Variants in MAPK10 observed in about 807,000 individuals in gnomAD.
MAPK10 encodes JNK3 alpha protein kinase.
Under a neutral mutation model 59.3 loss-of-function variants are expected in MAPK10, and 25 were observed. The observed-to-expected ratio is 0.42, with a 90% confidence interval of 0.31 to 0.59. The LOEUF (loss-of-function observed/expected upper bound fraction) is 0.59, where lower values mean the gene tolerates loss of function less well. Among genes scored for constraint, MAPK10 ranks in the 20% least tolerant of loss-of-function variants. The pLI, the probability that MAPK10 is intolerant of heterozygous loss-of-function variation, is 0.15. For missense variants in MAPK10, 351 were observed against 568.9 expected (o/e 0.62, Z 3.90); for synonymous variants, 190 against 200.5 (o/e 0.95, Z 0.44).
At chr4:86,228,733 A>G (rs2091071849) in intron 2 of MAPK10, among the ~76,000 whole-genome samples, 2 of 152,188 alleles carry the variant, frequency 1.3e-5, no homozygotes, top group African/African-American at 2.4e-5. Flanking sequence ...TATCTGATCC[A>G]TGTTTGTATC....
At chr4:86,160,216 T>C (rs1430019661) in intron 3 of MAPK10, 1 of 152,012 alleles carries the variant, frequency 6.6e-6, no homozygotes, top group Non-Finnish European at 1.5e-5. Context: ...TTTTGAACTA[T>C]AATACATATG....
At chr4:86,285,931 C>T (rs2094989166) in intron 2 of MAPK10, among the ~76,000 whole-genome samples, 1 of 152,188 alleles carries the variant, frequency 6.6e-6, no homozygotes, top group Non-Finnish European at 1.5e-5. Flanking sequence ...GAAACAAATT[C>T]CGCCTTCTTC....
At chr4:86,509,804 A>G (rs1444910673) in intron 1 of MAPK10, among the ~76,000 whole-genome samples, 1 of 152,208 alleles carries the variant, frequency 6.6e-6, no homozygotes, top group Non-Finnish European at 1.5e-5. Flanking sequence ...CAAAAATACA[A>G]TTTGGGTCCA....
chr4:86,427,218 C>A (rs945574281), intron 1 of MAPK10, among the ~76,000 whole-genome samples: 1 of 145,946 alleles, frequency 6.9e-6, no homozygotes, highest in Admixed American at 7.0e-5. Context: ...GATCGCGCCA[C>A]TGCACTCCAG....
At chr4:86,358,232 T>G (rs1482082727) in intron 1 of MAPK10, 41 of 985,256 alleles carry the variant, frequency 4.2e-5, no homozygotes, top group Non-Finnish European at 4.9e-5. Flanking sequence ...TCACAGAAGC[T>G]TCTCTGAGAG....
At chr4:86,431,399 G>T (rs1392604305) in intron 1 of MAPK10, among the ~76,000 whole-genome samples, 2 of 152,072 alleles carry the variant, frequency 1.3e-5, no homozygotes, top group Non-Finnish European at 2.9e-5. Flanking sequence ...CAACATTGAG[G>T]GTCCAAGTGA....
chr4:86,316,494 A>G (rs983293666), intron 2 of MAPK10, among the ~76,000 whole-genome samples: 2 of 152,154 alleles, frequency 1.3e-5, no homozygotes, highest in African/African-American at 2.4e-5. Context: ...TACAACTTCA[A>G]TGTATGTCTC....
chr4:86,330,794 C>T (rs2096134632), intron 2 of MAPK10, among the ~76,000 whole-genome samples: 1 of 152,122 alleles, frequency 6.6e-6, no homozygotes, highest in African/African-American at 2.4e-5. Context: ...GAGACCACTG[C>T]TGTTTTCATT....
At chr4:86,466,050 G>A (rs532257193) in intron 1 of MAPK10, among the ~76,000 whole-genome samples, 1 of 152,180 alleles carries the variant, frequency 6.6e-6, no homozygotes, top group Non-Finnish European at 1.5e-5. Flanking sequence ...TATCAATCTT[G>A]GCTGGCAATA....
intron 1 of MAPK10, among the ~76,000 whole-genome samples, chr4:86,545,629 A>C (rs950205744): frequency 5.3e-5 from 8 of 152,186 alleles, no homozygotes; most frequent in Non-Finnish European, 7.3e-5. Flanking sequence ...AAATGGTGGG[A>C]CATCGGGGAG....
chr4:86,308,312 A>T (rs181679918), intron 2 of MAPK10, among the ~76,000 whole-genome samples: 1 of 152,272 alleles, frequency 6.6e-6, no homozygotes, highest in East Asian at 1.9e-4. Context: ...TATCTAATTG[A>T]AAAAAGAGAT....
intron 2 of MAPK10, among the ~76,000 whole-genome samples, chr4:86,209,184 T>C (rs1029696448): frequency 2.0e-5 from 3 of 152,056 alleles, no homozygotes; most frequent in African/African-American, 4.8e-5. Context: ...ATGAGAGAAA[T>C]GTATTCATGA....
chr4:86,135,943 A>G (rs976397460), intron 4 of MAPK10, among the ~76,000 whole-genome samples: 19 of 152,254 alleles, frequency 1.2e-4, no homozygotes, highest in Non-Finnish European at 2.1e-4. Context: ...CAGCAATGGA[A>G]GATGAAATGA....
chr4:86,140,989 A>C (rs1453884013), intron 4 of MAPK10, among the ~76,000 whole-genome samples: 1 of 152,234 alleles, frequency 6.6e-6, no homozygotes, highest in East Asian at 1.9e-4. Flanking sequence ...CTACATATCC[A>C]GACTGAATTT....
intron 9 of MAPK10, among the ~76,000 whole-genome samples, chr4:86,092,907 G>T (rs529711258): frequency 6.6e-6 from 1 of 152,132 alleles, no homozygotes; most frequent in African/African-American, 2.4e-5. Flanking sequence ...GCAGAAGGCA[G>T]ATTCACTTGC....
chr4:86,554,410 TA>T (rs906369326), intron 1 of MAPK10, among the ~76,000 whole-genome samples: 1 of 152,138 alleles, frequency 6.6e-6, no homozygotes. Context: ...ATACATTTTT[TA>T]AAAAAGAAGA....
intron 2 of MAPK10, among the ~76,000 whole-genome samples, chr4:86,274,998 C>T (rs2094533447): frequency 1.3e-5 from 2 of 152,008 alleles, no homozygotes; most frequent in Non-Finnish European, 2.9e-5. Flanking sequence ...TACAAGCACA[C>T]TTACTCATCT....
intron 9 of MAPK10, among the ~76,000 whole-genome samples, chr4:86,088,878 G>A (rs1033274706): frequency 3.9e-5 from 6 of 152,030 alleles, no homozygotes; most frequent in Non-Finnish European, 7.4e-5. Context: ...TTATTATCTA[G>A]CTATGAATAT....
intron 1 of MAPK10, among the ~76,000 whole-genome samples, chr4:86,520,917 C>T (rs1188335030): frequency 6.6e-6 from 1 of 152,156 alleles, no homozygotes; most frequent in Non-Finnish European, 1.5e-5. Context: ...CTACTGGATT[C>T]CTGGCTCATG....
Sources: gnomAD v4.1 joint callset for allele counts (sites outside exome capture counted in the v4.1 genomes callset) on GRCh38, gnomAD v4.1.1 for gene constraint, MANE v1.5 for transcripts, NCBI Gene and HGNC (gene_info 2026-07-23, HGNC 2026-07-21) for gene names.